The following RAB12 variants were observed in gnomAD, a reference collection of about 807,000 sequenced individuals.
RAB12 encodes ras-related protein Rab-12.
In RAB12, 11 loss-of-function variants were observed where a neutral mutation model predicts 28.4. That is an observed-to-expected ratio of 0.39 (90% CI 0.24 to 0.64). The LOEUF is 0.64. RAB12 is among the 30% of genes least tolerant of loss of function. The pLI, the probability that RAB12 is intolerant of heterozygous loss-of-function variation, is 0.50. For synonymous variants in RAB12, 138 were observed against 145.3 expected (o/e 0.95, Z 0.36); for missense variants, 276 against 351.1 (o/e 0.79, Z 1.71).
At chr18:8,619,332 G>A (rs1347752293) in intron 1 of RAB12, among the ~76,000 whole-genome samples, 2 of 152,218 alleles carry the variant, frequency 1.3e-5, no homozygotes, top group African/African-American at 4.8e-5. Flanking sequence ...AAAGAAAGAA[G>A]TTTCCGTGTG....
At chr18:8,622,897 G>A (rs190997401) in intron 1 of RAB12, among the ~76,000 whole-genome samples, 5 of 152,146 alleles carry the variant, frequency 3.3e-5, no homozygotes, top group Admixed American at 6.5e-5. Context: ...AGAATTCAGC[G>A]ATATTTCTCC....
chr18:8,623,261 A>G (rs1020968259), intron 1 of RAB12, among the ~76,000 whole-genome samples: 1 of 152,244 alleles, frequency 6.6e-6, no homozygotes, highest in Non-Finnish European at 1.5e-5. Flanking sequence ...GGCATAAGAA[A>G]TTATAAAAGT....
chr18:8,638,252 G>T lies in RAB12; in HGVS notation c.1013G>T (p.Arg338Leu), dbSNP rs547006682. The stretch of plus-strand genomic sequence containing the variant: ...CTGCCTCCACCAAGACCACATGTCC[G>T]ATGCTGTTGATTTCCTACTTTGGAG... ...PELPPPRPHV[R>L]CC The change falls in exon 6 of 6, where the codon CGA becomes CTA. Residue 338 changes from arginine to leucine, a missense_variant. Coordinates refer to ENST00000649141, the MANE Select transcript of RAB12 (RefSeq NM_001025300.3). The T allele has an allele frequency of 7.4e-6, 12 of 1,610,892 alleles. No individual in the cohort carries two copies. In the South Asian group the frequency reaches 1.3e-4, roughly 18 times the overall value.
At chr18:8,632,137 G>T (rs2096016306) in intron 2 of RAB12, among the ~76,000 whole-genome samples, 1 of 152,002 alleles carries the variant, frequency 6.6e-6, no homozygotes, top group African/African-American at 2.4e-5. Context: ...TATTAGCCAG[G>T]CATGGTGGCG....
At chr18:8,618,713 C>G (rs979869101) in intron 1 of RAB12, among the ~76,000 whole-genome samples, 1 of 152,142 alleles carries the variant, frequency 6.6e-6, no homozygotes, top group Non-Finnish European at 1.5e-5. Flanking sequence ...GAGGTTTCAC[C>G]GTGTTAGCCA....
intron 3 of RAB12, 133 bp from the exon 4 acceptor site, chr18:8,635,400 G>A (rs2096018286): frequency 2.9e-6 from 2 of 678,360 alleles, no homozygotes; most frequent in South Asian, 1.8e-5. Context: ...CTGGGAACTG[G>A]TAGAACCTCA....
intron 3 of RAB12, 144 bp from the exon 4 acceptor site, chr18:8,635,389 C>A: frequency 1.6e-6 from 1 of 627,564 alleles, no homozygotes; most frequent in Non-Finnish European, 2.8e-6. Context: ...CCCAGTCCTG[C>A]CTGGGAACTG....
At chr18:8,637,218 G>T (rs1312428126) in intron 5 of RAB12, among the ~76,000 whole-genome samples, 1 of 150,940 alleles carries the variant, frequency 6.6e-6, no homozygotes, top group Non-Finnish European at 1.5e-5. Context: ...ATTTGATACA[G>T]TGAGCTATGA....
At chr18:8,624,194 T>G (rs1391374541) in intron 1 of RAB12, among the ~76,000 whole-genome samples, 2 of 152,268 alleles carry the variant, frequency 1.3e-5, no homozygotes, top group Non-Finnish European at 2.9e-5. Context: ...CCCTTAGTTA[T>G]GAAAATTGTG....
intron 2 of RAB12, among the ~76,000 whole-genome samples, chr18:8,628,119 A>G (rs1383276688): frequency 6.6e-6 from 1 of 152,186 alleles, no homozygotes; most frequent in Non-Finnish European, 1.5e-5. Flanking sequence ...GCACCTTATC[A>G]TTACAGTGAA....
In RAB12 at chr18:8,633,334, G is replaced by T. The variant is rs1276772791; in HGVS notation, c.714+7G>T. The T allele has an allele frequency of 1.2e-6, 2 of 1,613,468 alleles. No homozygotes were observed. The highest frequency in any genetic ancestry group is 2.2e-5 in the South Asian group (2 of 90,850). On this transcript the variant is annotated splice_region_variant and intron_variant, in intron 3 of 5. Coordinates refer to ENST00000649141, the MANE Select transcript of RAB12 (RefSeq NM_001025300.3). ...GATGAAGATGATTGATAAGGTAAAT[G>T]TTGCATTTTTCTGTCCAATGTGAAC...
chr18:8,633,954 A>G (rs1200059054), intron 3 of RAB12, among the ~76,000 whole-genome samples: 1 of 152,148 alleles, frequency 6.6e-6, no homozygotes, highest in Non-Finnish European at 1.5e-5. Flanking sequence ...ATGATATACC[A>G]TTGACCACAT....
intron 1 of RAB12, among the ~76,000 whole-genome samples, chr18:8,613,111 T>G (rs1038933469): frequency 3.3e-5 from 5 of 152,216 alleles, no homozygotes; most frequent in Admixed American, 3.3e-4. Flanking sequence ...AGAAACTGGT[T>G]TAAAAGATTT....
At position 8,638,322 on chromosome 18, in the gene RAB12, C is replaced by A; in HGVS notation, c.*60C>A. 8.7e-7 allele frequency: 1 copy of A among 1,146,782 alleles called. No individual in the cohort carries two copies. The highest frequency in any genetic ancestry group is 1.3e-6 in the Non-Finnish European group (1 of 762,896). The allele number at this position is 1,146,782 out of a possible 1,614,324, so 71.0% of individuals were successfully genotyped here. A position where few individuals can be genotyped will look rare whatever the true frequency, so the allele number is the denominator to read the frequency against. ...TGGAAAGGGGAAAAAACGTTCTATT[C>A]TGCACTACAATCATTTTGACAATTT... is the stretch of plus-strand genomic sequence containing the variant. On this transcript the variant is annotated 3_prime_UTR_variant, in exon 6 of 6. Transcript: ENST00000649141.
rs1253259653 is a variant in RAB12, at chr18:8,638,303, G to C, written c.*41G>C. On this transcript the variant is annotated 3_prime_UTR_variant, in exon 6 of 6. Transcript: ENST00000649141. ...ACAAAGTGGAAATGATTCCTGGAAAGGGGAAAAAACGTTCTATTCTGCACT... is the reference window on the plus strand; with the variant it reads ...ACAAAGTGGAAATGATTCCTGGAAACGGGAAAAAACGTTCTATTCTGCACT... 1 of 1,438,514 alleles carries C rather than the reference G, an allele frequency of 7.0e-7. No homozygotes were observed. 89.1% of individuals were successfully genotyped at this position (1,438,514 alleles called of 1,614,324 possible).
Position 8,609,720 on chromosome 18 carries a change from A to C in RAB12, c.281A>C (p.His94Pro). 13 of 1,114,876 alleles carry C rather than the reference A, an allele frequency of 1.2e-5. No homozygotes were observed. The highest frequency in any genetic ancestry group is 1.7e-5 in the African/African-American group (1 of 59,636). The allele number at this position is 1,114,876 out of a possible 1,614,324, so 69.1% of individuals were successfully genotyped here. Residue 94 changes from histidine to proline, a missense_variant, in exon 1 of 6, where the codon CAT becomes CCT. This residue lies in a region of RAB12 where 72 missense variants were observed against 55.5 expected (regional missense o/e 1.30). Coordinates refer to ENST00000649141, the MANE Select transcript of RAB12 (RefSeq NM_001025300.3). ...GGGCGGCGGGCCGAGCGGGAGCCGCATGCGTGTATGGATCCGGGCGCCGCG... is the reference window on the plus strand; with the variant it reads ...GGGCGGCGGGCCGAGCGGGAGCCGCCTGCGTGTATGGATCCGGGCGCCGCG... The part of the protein sequence containing the change: ...GGGRRAEREP[H>P]ACMDPGAALQ...
intron 1 of RAB12, among the ~76,000 whole-genome samples, chr18:8,623,723 C>T (rs2148708794): frequency 6.6e-6 from 1 of 152,314 alleles, no homozygotes; most frequent in South Asian, 2.1e-4. Context: ...AGCTTTCCTT[C>T]AGGGACATCT....
chr18:8,612,176 C>G (rs2096004211), intron 1 of RAB12, among the ~76,000 whole-genome samples: 2 of 152,236 alleles, frequency 1.3e-5, no homozygotes. Context: ...GACCGCTTGT[C>G]AGGGCAGTGA....
intron 4 of RAB12, 52 bp downstream of exon 4, chr18:8,635,674 G>T: frequency 9.0e-7 from 1 of 1,113,412 alleles, no homozygotes; most frequent in Non-Finnish European, 1.3e-6. Context: ...AGCGCTTGAG[G>T]TACTGTTTCT....
Sources: allele counts gnomAD v4.1 joint callset (sites outside exome capture counted in the v4.1 genomes callset), GRCh38; gene constraint gnomAD v4.1.1; regional missense constraint gnomAD v4.1.1; transcripts MANE v1.5; gene names NCBI Gene and HGNC (gene_info 2026-07-23, HGNC 2026-07-21).